NCOA1: variants seen among roughly 807,000 people sequenced by gnomAD.
NCOA1 encodes Hin-2 protein.
In NCOA1, 35 loss-of-function variants were observed where a neutral mutation model predicts 150.9. The observed-to-expected ratio is 0.23, with a 90% CI of 0.18 to 0.31. The LOEUF is 0.31. Among genes scored for constraint, NCOA1 ranks in the 10% least tolerant of loss-of-function variants. NCOA1 has a pLI of 1.00. For missense variants in NCOA1, 1,491 were observed against 1,749.3 expected (o/e 0.85, Z 2.63); for synonymous variants, 590 against 630.0 (o/e 0.94, Z 0.95).
intron 3 of NCOA1, among the ~76,000 whole-genome samples, chr2:24,618,435 A>C (rs1435003798): frequency 1.3e-5 from 2 of 152,190 alleles, no homozygotes; most frequent in African/African-American, 4.8e-5. Flanking sequence ...GGAAATTGTG[A>C]ATGTTATTCC....
At chr2:24,537,099 C>T (rs1434800291) in intron 1 of NCOA1, among the ~76,000 whole-genome samples, 3 of 151,960 alleles carry the variant, frequency 2.0e-5, no homozygotes, top group African/African-American at 7.3e-5. Flanking sequence ...TAACCCCAAA[C>T]CACCTGTACC....
chr2:24,651,152 A>G (rs1670693785), intron 4 of NCOA1, among the ~76,000 whole-genome samples: 1 of 152,082 alleles, frequency 6.6e-6, no homozygotes, highest in Non-Finnish European at 1.5e-5. Flanking sequence ...CTCCTAAGGA[A>G]ATTAACATAT....
intron 3 of NCOA1, among the ~76,000 whole-genome samples, chr2:24,638,759 GT>G (rs1236094252): frequency 2.6e-5 from 4 of 152,050 alleles, no homozygotes; most frequent in Non-Finnish European, 5.9e-5. Context: ...TGTTGAGCAT[GT>G]TTCCATATAT....
intron 1 of NCOA1, among the ~76,000 whole-genome samples, chr2:24,526,775 A>G (rs577431263): frequency 2.6e-5 from 4 of 152,154 alleles, no homozygotes; most frequent in Non-Finnish European, 4.4e-5. Flanking sequence ...TGATGTTATG[A>G]GATACATGTA....
At chr2:24,682,869 T>C in intron 7 of NCOA1, 82 bp from the exon 8 acceptor site, 2 of 1,258,434 alleles carry the variant, frequency 1.6e-6, no homozygotes, top group Non-Finnish European at 2.2e-6. Flanking sequence ...ATTTCTGATC[T>C]CTTTTTTAAT....
chr2:24,663,279 T>C (rs1354961681), intron 5 of NCOA1, among the ~76,000 whole-genome samples: 1 of 152,200 alleles, frequency 6.6e-6, no homozygotes, highest in African/African-American at 2.4e-5. Flanking sequence ...TGTTTTTTTC[T>C]TTCAGGAAGC....
intron 1 of NCOA1, among the ~76,000 whole-genome samples, chr2:24,524,396 C>T (rs565508801): frequency 2.7e-4 from 41 of 152,256 alleles, no homozygotes; most frequent in South Asian, 1.2e-3. Flanking sequence ...CTCCTGGACT[C>T]AACCCTCCCA....
chr2:24,761,886 G>C (rs560727390), intron 21 of NCOA1, among the ~76,000 whole-genome samples: 222 of 152,296 alleles, frequency 1.5e-3, no homozygotes, highest in Non-Finnish European at 2.6e-3. Context: ...TTCCACTCTG[G>C]GGGGTGAAAT....
intron 3 of NCOA1, among the ~76,000 whole-genome samples, chr2:24,592,455 G>A (rs780413473): frequency 6.6e-6 from 1 of 152,090 alleles, no homozygotes; most frequent in Admixed American, 6.6e-5. Context: ...CACCTTGACG[G>A]CTCATAGAGA....
chr2:24,563,754 G>A (rs147901907), intron 1 of NCOA1, among the ~76,000 whole-genome samples: 1 of 152,310 alleles, frequency 6.6e-6, no homozygotes, highest in African/African-American at 2.4e-5. Context: ...CTGAGCTCGA[G>A]CAATCTGCCC....
In NCOA1 at chr2:24,507,080, C is replaced by T. The variant is rs867980118; in HGVS notation, c.-396+15478C>T. Among the ~76,000 whole-genome samples the T allele has an allele frequency of 1.4e-4, 21 of 152,256 alleles. No individual in the cohort carries two copies. In the Middle Eastern group the frequency reaches 0.01, roughly 74 times the overall value. ...ATTACAGTAGTACTGTTACTATTAG[C>T]GGCTCATCTGGAGGACGAAGACTGA... On this transcript the variant is annotated intron_variant, in intron 1 of 22. Coordinates refer to ENST00000348332, the MANE Select transcript of NCOA1 (RefSeq NM_003743.5).
chr2:24,634,460 A>G (rs570211557), intron 3 of NCOA1, among the ~76,000 whole-genome samples: 1 of 152,350 alleles, frequency 6.6e-6, no homozygotes, highest in Non-Finnish European at 1.5e-5. Flanking sequence ...TAGGTACATT[A>G]TAGGTACTCT....
rs1673465793 is a variant in NCOA1 at position 24,706,832 on chromosome 2, C to G, written c.1362C>G (p.Ala454=). The G allele has an allele frequency of 4.3e-6, 7 of 1,614,036 alleles. No homozygotes were observed. The highest frequency in any genetic ancestry group is 1.6e-4 in the Middle Eastern group (1 of 6,084). Reference sequence around the variant, plus strand: ...GAAGTCAGATTGTAGCCAATGTTGCCTTAAACCAAGGACAGGCCAGTTCAC... The same window carrying G: ...GAAGTCAGATTGTAGCCAATGTTGCGTTAAACCAAGGACAGGCCAGTTCAC... ...SPGSQIVANV[A]LNQGQASSQS... Residue 454 remains alanine, a synonymous_variant, in exon 13 of 23, where the codon GCC becomes GCG. Transcript: ENST00000348332.
chr2:24,742,727 A>G (rs934484108), intron 19 of NCOA1, among the ~76,000 whole-genome samples: 7 of 149,570 alleles, frequency 4.7e-5, no homozygotes, highest in Non-Finnish European at 7.4e-5. Context: ...CCATTCTCTT[A>G]TTTTTTAATT....
At chr2:24,562,876 T>C (rs1666343408) in intron 1 of NCOA1, among the ~76,000 whole-genome samples, 1 of 152,010 alleles carries the variant, frequency 6.6e-6, no homozygotes, top group Non-Finnish European at 1.5e-5. Flanking sequence ...TGGACTCAGG[T>C]TAGAAAAAAT....
At position 24,770,230 on chromosome 2, in the gene NCOA1, A is replaced by T. The variant is rs1016605670; in HGVS notation, c.*1839A>T. The T allele has an allele frequency of 8.2e-5, 19 of 231,142 alleles. No homozygotes were observed. The highest frequency in any genetic ancestry group is 1.6e-4 in the Non-Finnish European group (19 of 116,560). 14.3% of individuals were successfully genotyped at this position (231,142 alleles called of 1,614,324 possible). A position where few individuals can be genotyped will look rare whatever the true frequency, so the allele number is the denominator to read the frequency against. On this transcript the variant is annotated 3_prime_UTR_variant, in exon 23 of 23. Transcript: ENST00000348332. Reference sequence around the variant, plus strand: ...AGCCATATTACTCTAGTCCCTACCAAACTGCTCTAGAAGGTCATTTCCATT... The same window carrying T: ...AGCCATATTACTCTAGTCCCTACCATACTGCTCTAGAAGGTCATTTCCATT...
At chr2:24,634,946 G>T (rs1433052218) in intron 3 of NCOA1, among the ~76,000 whole-genome samples, 1 of 151,884 alleles carries the variant, frequency 6.6e-6, no homozygotes, top group African/African-American at 2.4e-5. Flanking sequence ...CAAACTCCTG[G>T]CCTCAAGTGA....
At chr2:24,683,649 T>C (rs1262983160) in intron 8 of NCOA1, among the ~76,000 whole-genome samples, 1 of 152,148 alleles carries the variant, frequency 6.6e-6, no homozygotes, top group Admixed American at 6.5e-5. Context: ...CCCTGTGCCT[T>C]GGGGCAGGGC....
intron 5 of NCOA1, among the ~76,000 whole-genome samples, chr2:24,664,034 T>C (rs950869759): frequency 6.6e-6 from 1 of 152,206 alleles, no homozygotes; most frequent in African/African-American, 2.4e-5. Flanking sequence ...ATATATCTTA[T>C]ATCAATTAGT....
Sources: allele counts gnomAD v4.1 joint callset (sites outside exome capture counted in the v4.1 genomes callset), GRCh38; gene constraint gnomAD v4.1.1; transcripts MANE v1.5; gene names NCBI Gene and HGNC (gene_info 2026-07-23, HGNC 2026-07-21).